LIG3: variants seen among roughly 807,000 people sequenced by gnomAD.
LIG3 encodes DNA ligase 3, also known as ligase II, DNA, ATP-dependent.
In LIG3, 58 loss-of-function variants were observed where a neutral mutation model predicts 110.9. The ratio of observed to expected loss-of-function variants is 0.52; its 90% CI spans 0.42 to 0.65. The LOEUF is 0.65. Ranked by LOEUF, LIG3 falls within the 30% of genes least tolerant of loss-of-function variation. The pLI, the probability that LIG3 is intolerant of heterozygous loss-of-function variation, is 0.00. For missense variants in LIG3, 1,094 were observed against 1,273.8 expected (o/e 0.86, Z 2.15); for synonymous variants, 422 against 472.8 (o/e 0.89, Z 1.39).
Position 34,998,260 on chromosome 17 carries a change from G to A in LIG3, c.1953G>A (p.Gln651=). ...CTGACATGATAACCCGGGTGATCCA[G>A]GAGGGATTGGAGGGGCTGGTGCTGA... ...DLADMITRVI[Q]EGLEGLVLKD... The change falls in exon 13 of 20, where the codon CAG becomes CAA. Residue 651 remains glutamine (Q), a synonymous_variant. Coordinates refer to ENST00000378526, the MANE Select transcript of LIG3 (RefSeq NM_013975.4). 4 of 1,613,796 alleles carry A rather than the reference G, an allele frequency of 2.5e-6. No homozygotes were observed. The highest frequency in any genetic ancestry group is 3.4e-6 in the Non-Finnish European group (4 of 1,179,868).
intron 10 of LIG3, 34 bp downstream of exon 10, chr17:34,996,229 T>C (rs761104849): frequency 3.7e-6 from 6 of 1,607,742 alleles, no homozygotes; most frequent in East Asian, 2.2e-5. Context: ...CAAGAATGAA[T>C]GAGTGTGAGT....
chr17:34,987,759 C>T (rs2090672498), intron 3 of LIG3, among the ~76,000 whole-genome samples: 1 of 152,268 alleles, frequency 6.6e-6, no homozygotes, highest in East Asian at 1.9e-4. Context: ...GATTACTTTC[C>T]CCTCTGCTTC....
intron 12 of LIG3, 114 bp downstream of exon 12, chr17:34,997,939 G>C: frequency 1.2e-6 from 1 of 820,810 alleles, no homozygotes; most frequent in South Asian, 1.5e-5. Context: ...GGAGCCTCCT[G>C]ATAATGTTGG....
intron 1 of LIG3, chr17:34,981,558 G>C (rs1409754892): frequency 6.6e-6 from 1 of 152,204 alleles, no homozygotes; most frequent in Non-Finnish European, 1.5e-5. Flanking sequence ...ACCCTGTGAG[G>C]TAGGTATTAT....
At chr17:35,001,536 A>C in intron 17 of LIG3, 133 bp downstream of exon 17, 1 of 929,696 alleles carries the variant, frequency 1.1e-6, no homozygotes, top group East Asian at 2.7e-5. Context: ...AAGGAGGGCA[A>C]TTAGAGAGGG....
At chr17:35,004,062 T>C in intron 19 of LIG3, 1 of 561,588 alleles carries the variant, frequency 1.8e-6, no homozygotes, top group East Asian at 3.0e-5. Flanking sequence ...TCCACTCTCC[T>C]TTTCCCCTAG....
In LIG3 at chr17:34,992,735, C is replaced by G. The variant is rs759665095; in HGVS notation, c.1455+43C>G. On this transcript the variant is annotated intron_variant, in intron 8 of 19. Transcript: ENST00000378526. The stretch of plus-strand genomic sequence containing the variant: ...GCCTCTGCTTTCCAGCCTCTCCAAG[C>G]TCCACATCCTTTGGGCTGAGATCAG... The G allele has an allele frequency of 1.2e-5, 18 of 1,512,510 alleles. No homozygotes were observed. In the African/African-American group the frequency reaches 2.5e-4, roughly 21 times the overall value. 93.7% of individuals were successfully genotyped at this position (1,512,510 alleles called of 1,614,324 possible). A position where few individuals can be genotyped will look rare whatever the true frequency, so the allele number is the denominator to read the frequency against.
At chr17:34,990,454 A>AT (rs1292126556) in intron 4 of LIG3, among the ~76,000 whole-genome samples, 1 of 152,036 alleles carries the variant, frequency 6.6e-6, no homozygotes, top group African/African-American at 2.4e-5. Flanking sequence ...TAATTTTTGT[A>AT]TTTTTTGTAG....
rs1041700816 is a variant in LIG3 at position 34,998,951 on chromosome 17, G to A, written c.2113+224G>A. On this transcript the variant is annotated intron_variant, in intron 14 of 19. Coordinates refer to ENST00000378526, the MANE Select transcript of LIG3 (RefSeq NM_013975.4). ...CCCTATGCTAGCCTAGCAGAAGGAC[G>A]CTTACCACCAATTATTTCGTCAGGG... 25 of 529,216 alleles carry A rather than the reference G, an allele frequency of 4.7e-5. 1 individual carries two copies. Among genetic ancestry groups the A allele is most frequent in the Non-Finnish European group, 7.3e-5 (22 of 302,632 alleles). The allele number at this position is 529,216 out of a possible 1,614,324, so 32.8% of individuals were successfully genotyped here. A position where few individuals can be genotyped will look rare whatever the true frequency, so the allele number is the denominator to read the frequency against.
In LIG3 at chr17:34,991,499, C is replaced by A. The variant is rs2090720423; in HGVS notation, c.1042-172C>A. 4.5e-6 allele frequency: 3 copies of A among 667,148 alleles called. No homozygotes were observed. In the East Asian group the frequency reaches 8.1e-5, roughly 18 times the overall value. The allele number at this position is 667,148 out of a possible 1,614,324, so 41.3% of individuals were successfully genotyped here. On this transcript the variant is annotated intron_variant, in intron 5 of 19. Transcript: ENST00000378526. ...CCCTGGTACCATGGCAAGTTTCCAT[C>A]CCCTTCTAGGAATTGTGGATGGGCT...
rs3135978 is a variant in LIG3, at chr17:34,990,402, C to T, written c.890-561C>T. Among the ~76,000 whole-genome samples, 577 of 152,016 alleles carry T rather than the reference C, an allele frequency of 3.8e-3. 3 individuals are homozygous for T. Among genetic ancestry groups the T allele is most frequent in the African/African-American group, 0.013 (527 of 41,442 alleles). ...TCAAGCAGTCCTTCTGCCTCAGCCT[C>T]CCAAGTAGCTGGGACTATAGGCATG... is the stretch of plus-strand genomic sequence containing the variant. On this transcript the variant is annotated intron_variant, in intron 4 of 19. Coordinates refer to ENST00000378526, the MANE Select transcript of LIG3 (RefSeq NM_013975.4).
rs1265578225 is a variant in LIG3, at chr17:34,998,201, ATC to A, written c.1912-12_1912-11del. On this transcript the variant is annotated splice_polypyrimidine_tract_variant and intron_variant, in intron 12 of 19. Coordinates refer to ENST00000378526, the MANE Select transcript of LIG3 (RefSeq NM_013975.4). Reference sequence around the variant, plus strand: ...TCTCCACTCTCACACCAACTTCAGCATCTCTCTTGTCCCTCAGAAAGCTTTGG... The same window carrying A: ...TCTCCACTCTCACACCAACTTCAGCATCTCTTGTCCCTCAGAAAGCTTTGG... The A allele has an allele frequency of 2.5e-6, 4 of 1,600,378 alleles. No homozygotes were observed. Among genetic ancestry groups the A allele is most frequent in the Non-Finnish European group, 3.4e-6 (4 of 1,172,484 alleles).
intron 17 of LIG3, 90 bp from the exon 18 acceptor site, chr17:35,001,819 A>T: frequency 8.6e-7 from 1 of 1,156,812 alleles, no homozygotes; most frequent in Non-Finnish European, 1.2e-6. Context: ...CTTTGTTCCC[A>T]TATGCGCCTA....
intron 4 of LIG3, 55 bp from the exon 5 acceptor site, chr17:34,990,908 T>G (rs1313985801): frequency 5.1e-6 from 8 of 1,571,290 alleles, no homozygotes; most frequent in Admixed American, 3.5e-5. Context: ...TCTTTGAGTT[T>G]ATATATTTAT....
chr17:35,000,244 A>C (rs1418011810), intron 16 of LIG3, among the ~76,000 whole-genome samples: 1 of 152,068 alleles, frequency 6.6e-6, no homozygotes, highest in Non-Finnish European at 1.5e-5. Context: ...TGTTAGCCAA[A>C]GCTTTTTTGG....
At chr17:34,993,376 TTGAGATAGGCAAGTGTTCTCTCCCTGC>T (rs2090745788) in intron 8 of LIG3, among the ~76,000 whole-genome samples, 1 of 152,222 alleles carries the variant, frequency 6.6e-6, no homozygotes, top group Admixed American at 6.5e-5. Flanking sequence ...GGTTTTATGT[TTGAGATAGGCAAGTGTTCTCTCCCTGC>T]TAGGAATGTG....
At chr17:34,988,545 TG>T (rs1407863484) in intron 3 of LIG3, among the ~76,000 whole-genome samples, 1 of 152,186 alleles carries the variant, frequency 6.6e-6, no homozygotes, top group African/African-American at 2.4e-5. Context: ...GCTTTTTAAA[TG>T]GTCACAAGGA....
rs893197194 is a variant in LIG3, at chr17:35,007,066, T to C, written c.*2560T>C. On this transcript the variant is annotated 3_prime_UTR_variant, in exon 20 of 20. Coordinates refer to ENST00000378526, the MANE Select transcript of LIG3 (RefSeq NM_013975.4). ...TGACCTACATAGATTTCCATTTCTC[T>C]CTTCAGCCTCAGGCCAAACAAACAA... The C allele has an allele frequency of 6.6e-6, 1 of 152,270 alleles. No individual in the cohort carries two copies. The highest frequency in any genetic ancestry group is 2.4e-5 in the African/African-American group (1 of 41,462). The allele number at this position is 152,270 out of a possible 1,614,324, so 9.4% of individuals were successfully genotyped here. A position where few individuals can be genotyped will look rare whatever the true frequency, so the allele number is the denominator to read the frequency against.
Position 34,996,091 on chromosome 17 carries a change from C to T in LIG3, c.1639C>T (p.Gln547Ter), listed in dbSNP as rs754429745. 2 of 1,614,114 alleles carry T rather than the reference C, an allele frequency of 1.2e-6. No homozygotes were observed. The highest frequency in any genetic ancestry group is 1.7e-6 in the Non-Finnish European group (2 of 1,180,000). The change falls in exon 10 of 20, where the codon CAG (glutamine) becomes TAG (stop). Residue 547 changes from glutamine (Q) to a stop codon, truncating the protein, a stop_gained. Coordinates refer to ENST00000378526, the MANE Select transcript of LIG3 (RefSeq NM_013975.4). LOFTEE classifies it high-confidence loss of function. ...KVAHFKDYIP[Q>*]AFPGGHSMIL... ...GGCCCACTTTAAGGACTACATTCCCCAGGCTTTTCCTGGGGGCCACAGCAT... is the reference window on the plus strand; with the variant it reads ...GGCCCACTTTAAGGACTACATTCCCTAGGCTTTTCCTGGGGGCCACAGCAT...
Sources: gnomAD v4.1 joint callset for allele counts (sites outside exome capture counted in the v4.1 genomes callset) on GRCh38, gnomAD v4.1.1 for gene constraint, MANE v1.5 for transcripts, NCBI Gene and HGNC (gene_info 2026-07-23, HGNC 2026-07-21) for gene names.